ZRANB3: variants seen among roughly 807,000 people sequenced by gnomAD.
The protein encoded by ZRANB3 is DNA annealing helicase and endonuclease ZRANB3.
Under a neutral mutation model 133.8 loss-of-function variants are expected in ZRANB3, and 125 were observed. The observed-to-expected ratio is 0.93, with a 90% CI of 0.81 to 1.08. ZRANB3 has a LOEUF of 1.08. Among genes scored for constraint, ZRANB3 ranks in the 50% least tolerant of loss-of-function variants. ZRANB3 has a pLI of 0.00. For synonymous variants in ZRANB3, 387 were observed against 432.7 expected (o/e 0.89, Z 1.31); for missense variants, 1,229 against 1,275.5 (o/e 0.96, Z 0.56).
intron 2 of ZRANB3, among the ~76,000 whole-genome samples, chr2:135,410,659 A>G (rs1319372681): frequency 1.3e-5 from 2 of 152,106 alleles, no homozygotes; most frequent in Non-Finnish European, 2.9e-5. Context: ...CAAAAGAAAC[A>G]ATCAACAGAG....
intron 2 of ZRANB3, among the ~76,000 whole-genome samples, chr2:135,393,653 T>C (rs1687347062): frequency 1.3e-5 from 2 of 152,046 alleles, no homozygotes; most frequent in Non-Finnish European, 2.9e-5. Context: ...TCAGGATGGA[T>C]TAAAGACAAA....
chr2:135,208,262 T>G (rs559483231), intron 18 of ZRANB3, among the ~76,000 whole-genome samples: 1 of 152,166 alleles, frequency 6.6e-6, no homozygotes, highest in Non-Finnish European at 1.5e-5. Flanking sequence ...AACTCTCTCC[T>G]CCAGCCTCTG....
At chr2:135,217,975 G>C (rs1694381735) in intron 16 of ZRANB3, among the ~76,000 whole-genome samples, 1 of 152,030 alleles carries the variant, frequency 6.6e-6, no homozygotes, top group Non-Finnish European at 1.5e-5. Flanking sequence ...ACCATACCTG[G>C]CTAGTTTTTC....
chr2:135,489,945 TAGA>T (rs1231198304), intron 2 of ZRANB3, among the ~76,000 whole-genome samples: 1 of 151,868 alleles, frequency 6.6e-6, no homozygotes, highest in Admixed American at 6.6e-5. Context: ...TTTCCAGAAG[TAGA>T]AGAAAAATGT....
intron 2 of ZRANB3, among the ~76,000 whole-genome samples, chr2:135,457,074 A>T (rs1690553338): frequency 6.6e-6 from 1 of 152,352 alleles, no homozygotes; most frequent in African/African-American, 2.4e-5. Flanking sequence ...CCATCATACA[A>T]TAAGTGGCCT....
At chr2:135,461,740 T>C (rs1020761486) in intron 2 of ZRANB3, among the ~76,000 whole-genome samples, 1 of 152,202 alleles carries the variant, frequency 6.6e-6, no homozygotes, top group Non-Finnish European at 1.5e-5. Context: ...CTGGAGATGA[T>C]ACTAGTTCTG....
intron 15 of ZRANB3, among the ~76,000 whole-genome samples, chr2:135,223,024 TG>T: frequency 6.6e-6 from 1 of 151,888 alleles, no homozygotes; most frequent in African/African-American, 2.4e-5. Flanking sequence ...GAGGCTGAGG[TG>T]GGTGGATCAC....
chr2:135,279,928 G>A (rs1353815372), intron 8 of ZRANB3, among the ~76,000 whole-genome samples: 2 of 152,202 alleles, frequency 1.3e-5, no homozygotes, highest in South Asian at 2.1e-4. Context: ...GATTCTCTTA[G>A]GTTCTTAAGA....
chr2:135,405,998 C>T (rs6430573), intron 2 of ZRANB3, among the ~76,000 whole-genome samples: 1 of 151,778 alleles, frequency 6.6e-6, no homozygotes, highest in African/African-American at 2.4e-5. Flanking sequence ...CATAGACACA[C>T]AAAAAACCCT....
At chr2:135,487,135 T>C (rs1692159633) in intron 2 of ZRANB3, among the ~76,000 whole-genome samples, 2 of 152,208 alleles carry the variant, frequency 1.3e-5, no homozygotes, top group African/African-American at 4.8e-5. Flanking sequence ...CTTGTATATC[T>C]ACAATAGAGC....
chr2:135,207,730 C>G lies in ZRANB3; in HGVS notation c.2713G>C (p.Asp905His), dbSNP rs1319345400. 3 of 1,613,888 alleles carry G rather than the reference C, an allele frequency of 1.9e-6. No homozygotes were observed. Among genetic ancestry groups the G allele is most frequent in the African/African-American group, 2.7e-5 (2 of 74,938 alleles). The change falls in exon 19 of 21, where the codon GAT (aspartate) becomes CAT (histidine). Residue 905 changes from aspartate (D) to histidine (H), a missense_variant. Coordinates refer to ENST00000264159, the MANE Select transcript of ZRANB3 (RefSeq NM_032143.4). ...AGGCAAAGTGGATTTCCTTCATTAT[C>G]CACAGCTTGCAAATAGCCTTTGGAT... ...STSKGYLQAV[D>H]NEGNPLCLRC...
At position 135,356,090 on chromosome 2, in the gene ZRANB3, C is replaced by A. The variant is rs1324524944; in HGVS notation, c.181-2462G>T. ...CCGCCACTCCTCAAAATTTCCTCAT[C>A]TTGTCTACTGAGATCAGGTATGTAA... On this transcript the variant is annotated intron_variant, in intron 3 of 20. Coordinates refer to ENST00000264159, the MANE Select transcript of ZRANB3 (RefSeq NM_032143.4). Among the ~76,000 whole-genome samples, 3 of 151,916 alleles carry A rather than the reference C, an allele frequency of 2.0e-5. No individual in the cohort carries two copies. In the East Asian group the frequency reaches 5.8e-4, roughly 29 times the overall value.
At chr2:135,262,512 C>T (rs1461304633) in intron 12 of ZRANB3, among the ~76,000 whole-genome samples, 4 of 152,010 alleles carry the variant, frequency 2.6e-5, no homozygotes, top group South Asian at 2.1e-4. Context: ...AGAGTGGTGG[C>T]GGTTCATGCT....
At chr2:135,469,056 C>T (rs10167001) in intron 2 of ZRANB3, among the ~76,000 whole-genome samples, 40,536 of 152,010 alleles carry the variant, frequency 0.27, 9,026 homozygotes, top group African/African-American at 0.6. Flanking sequence ...ACAGTTATGA[C>T]TGATTACAAT....
chr2:135,424,207 T>G (rs1688976610), intron 2 of ZRANB3, among the ~76,000 whole-genome samples: 1 of 152,120 alleles, frequency 6.6e-6, no homozygotes, highest in South Asian at 2.1e-4. Flanking sequence ...AAAAGAGAGC[T>G]GTTTGAATTA....
At position 135,271,826 on chromosome 2, in the gene ZRANB3, T is replaced by C. The variant is rs774274672; in HGVS notation, c.1148A>G (p.Gln383Arg). 7 of 1,613,866 alleles carry C rather than the reference T, an allele frequency of 4.3e-6. No individual in the cohort carries two copies. The highest frequency in any genetic ancestry group is 5.9e-6 in the Non-Finnish European group (7 of 1,179,844). ...GCGAGTGTCAGGATCCTTTTGAAAC[T>C]GATTAACCAGATGTATTCTTTCTGA... is the stretch of plus-strand genomic sequence containing the variant. ...SSSERIHLVN[Q>R]FQKDPDTRVA... The change falls in exon 10 of 21, where the codon CAG becomes CGG. Residue 383 changes from glutamine to arginine, a missense_variant. Transcript: ENST00000264159.
Position 135,224,452 on chromosome 2 carries a change from T to C in ZRANB3, c.2224A>G (p.Thr742Ala). 6.2e-7 allele frequency: 1 copy of C among 1,613,344 alleles called. No individual in the cohort carries two copies. The highest frequency in any genetic ancestry group is 8.5e-7 in the Non-Finnish European group (1 of 1,179,526). ...DTLMFCASRN[T>A]DRIHIYTKDG... is the part of the protein sequence containing the mutation. ...TTAGTATAGATGTGAATCCGGTCAG[T>C]ATTCCTACTTGCACAGAACATTAAG... Residue 742 changes from threonine (T) to alanine (A), a missense_variant, in exon 15 of 21, where the codon ACT becomes GCT. Thr to Ala is a moderately conservative substitution (Grantham distance 58). Transcript: ENST00000264159.
chr2:135,504,701 A>G (rs550782890), intron 1 of ZRANB3, among the ~76,000 whole-genome samples: 1 of 152,320 alleles, frequency 6.6e-6, no homozygotes, highest in East Asian at 1.9e-4. Flanking sequence ...TGCACTCTCT[A>G]GGAACTCAGC....
At chr2:135,220,465 C>T (rs59992529) in intron 15 of ZRANB3, among the ~76,000 whole-genome samples, 21 of 151,746 alleles carry the variant, frequency 1.4e-4, no homozygotes, top group African/African-American at 4.8e-4. Flanking sequence ...TTTGGGAGGC[C>T]GAGGCAGGAG....
Sources: allele counts gnomAD v4.1 joint callset (sites outside exome capture counted in the v4.1 genomes callset), GRCh38; gene constraint gnomAD v4.1.1; transcripts MANE v1.5; gene names NCBI Gene and HGNC (gene_info 2026-07-23, HGNC 2026-07-21).